The following BLOC1S6 variants were observed in gnomAD, a reference collection of about 807,000 sequenced individuals.
BLOC1S6 encodes biogenesis of lysosomal organelles complex 1 subunit 6.
A neutral mutation model predicts 24.7 loss-of-function variants in BLOC1S6; 24 were observed. The observed-to-expected ratio is 0.97, with a 90% CI of 0.70 to 1.37. The LOEUF (loss-of-function observed/expected upper bound fraction) is 1.37. BLOC1S6 is among the 40% of genes most tolerant of loss of function. The pLI, the probability that BLOC1S6 is intolerant of heterozygous loss-of-function variation, is 0.00. For missense variants in BLOC1S6, 175 were observed against 196.2 expected, an observed-to-expected ratio of 0.89 and a Z score of 0.64; for synonymous variants, 76 against 72.6, an observed-to-expected ratio of 1.05 and a Z score of -0.23.
At chr15:45,601,874 A>G (rs1894281937) in intron 2 of BLOC1S6, among the ~76,000 whole-genome samples, 1 of 151,662 alleles carries the variant, frequency 6.6e-6, no homozygotes, top group African/African-American at 2.4e-5. Flanking sequence ...AAAGTTATTT[A>G]TTTATTTATT....
chr15:45,602,213 C>G, intron 2 of BLOC1S6: 1 of 469,672 alleles, frequency 2.1e-6, no homozygotes, highest in South Asian at 3.7e-5. Context: ...AAATTTATGA[C>G]CTGTAGGGTA....
chr15:45,593,408 A>AG (rs71114351), intron 2 of BLOC1S6, among the ~76,000 whole-genome samples: 2 of 150,482 alleles, frequency 1.3e-5, no homozygotes, highest in Non-Finnish European at 3.0e-5. Context: ...AAAAAAAAAA[A>AG]GTGGTACTGG....
intron 1 of BLOC1S6, among the ~76,000 whole-genome samples, chr15:45,590,564 C>T (rs984327459): frequency 3.3e-5 from 5 of 151,944 alleles, no homozygotes; most frequent in African/African-American, 7.3e-5. Flanking sequence ...TACAACACTA[C>T]GCCCGGGAAA....
At chr15:45,590,574 A>G (rs1210155318) in intron 1 of BLOC1S6, among the ~76,000 whole-genome samples, 1 of 151,886 alleles carries the variant, frequency 6.6e-6, no homozygotes, top group African/African-American at 2.4e-5. Context: ...CGCCCGGGAA[A>G]TTTTTATATT....
intron 2 of BLOC1S6, chr15:45,602,299 T>TA (rs1030732862): frequency 1.6e-5 from 10 of 635,858 alleles, no homozygotes; most frequent in Non-Finnish European, 2.2e-5. Flanking sequence ...TTTTTTTTTT[T>TA]ATCATTATTC....
At chr15:45,593,186 G>A (rs2140905698) in intron 2 of BLOC1S6, among the ~76,000 whole-genome samples, 1 of 151,962 alleles carries the variant, frequency 6.6e-6, no homozygotes, top group Admixed American at 6.6e-5. Context: ...TTGAGGTCGG[G>A]AGTTTTAGAC....
At chr15:45,596,574 G>A (rs1894085577) in intron 2 of BLOC1S6, among the ~76,000 whole-genome samples, 1 of 152,078 alleles carries the variant, frequency 6.6e-6, no homozygotes, top group African/African-American at 2.4e-5. Context: ...TATTGTTTTT[G>A]TGTAGGTTTA....
chr15:45,592,880 C>T (rs756504059), intron 2 of BLOC1S6, among the ~76,000 whole-genome samples: 5 of 152,160 alleles, frequency 3.3e-5, no homozygotes, highest in Admixed American at 6.5e-5. Context: ...CCTCCTGGGT[C>T]GGGACCTCTC....
At chr15:45,595,956 C>T (rs2140908659) in intron 2 of BLOC1S6, among the ~76,000 whole-genome samples, 1 of 152,180 alleles carries the variant, frequency 6.6e-6, no homozygotes, top group Admixed American at 6.5e-5. Context: ...TACAGGCATG[C>T]ACCACCACGC....
chr15:45,588,011 A>G (rs1047240129), intron 1 of BLOC1S6: 7 of 526,214 alleles, frequency 1.3e-5, no homozygotes, highest in South Asian at 5.1e-5. Context: ...TAAGGCATCC[A>G]TTGAATGGAA....
intron 2 of BLOC1S6, among the ~76,000 whole-genome samples, chr15:45,600,046 T>C (rs1427356887): frequency 1.3e-5 from 2 of 149,740 alleles, no homozygotes; most frequent in Admixed American, 6.7e-5. Flanking sequence ...ATGGATGAAA[T>C]TGGAAATCAT....
chr15:45,588,053 C>T (rs753967290), intron 1 of BLOC1S6, among the ~76,000 whole-genome samples: 5 of 152,200 alleles, frequency 3.3e-5, no homozygotes, highest in Admixed American at 1.3e-4. Flanking sequence ...CAAAATGGTA[C>T]TATTTATGTA....
intron 3 of BLOC1S6, among the ~76,000 whole-genome samples, chr15:45,604,314 C>T (rs1894373676): frequency 6.6e-6 from 1 of 152,044 alleles, no homozygotes. Flanking sequence ...CCATTTGTAA[C>T]AATTAAAAAC....
At chr15:45,592,039 T>C (rs1330892760) in intron 1 of BLOC1S6, 96 bp from the exon 2 acceptor site, 5 of 1,411,536 alleles carry the variant, frequency 3.5e-6, no homozygotes, top group Admixed American at 3.9e-5. Context: ...AGTTACAGAT[T>C]TCTTTGTTCC....
intron 2 of BLOC1S6, among the ~76,000 whole-genome samples, chr15:45,592,846 A>G (rs899143637): frequency 1.2e-4 from 19 of 152,300 alleles, no homozygotes; most frequent in African/African-American, 4.3e-4. Context: ...TCCCATCCAC[A>G]GACAACACAC....
intron 1 of BLOC1S6, among the ~76,000 whole-genome samples, chr15:45,588,562 A>G (rs1893773218): frequency 1.3e-5 from 2 of 151,818 alleles, no homozygotes; most frequent in Admixed American, 1.3e-4. Context: ...CACCTTTAAA[A>G]CAGCTGTTGA....
chr15:45,593,904 T>C (rs1489877671), intron 2 of BLOC1S6, among the ~76,000 whole-genome samples: 1 of 152,152 alleles, frequency 6.6e-6, no homozygotes, highest in Non-Finnish European at 1.5e-5. Flanking sequence ...TTAAGTAATT[T>C]GAAAAAGATT....
In BLOC1S6 at chr15:45,608,443, T is replaced by A. The variant is rs1894556037; in HGVS notation, c.*1929T>A. On this transcript the variant is annotated 3_prime_UTR_variant, in exon 5 of 5. Transcript: ENST00000220531. The stretch of plus-strand genomic sequence containing the variant: ...GATATCTGACAAAGGTAGTACAGCG[T>A]TTCTGAGTCATTTGGGACCAACTGC... 6.6e-6 allele frequency: 1 copy of A among 152,252 alleles called. No homozygotes were observed. The highest frequency in any genetic ancestry group is 1.5e-5 in the Non-Finnish European group (1 of 68,046). 9.4% of individuals were successfully genotyped at this position (152,252 alleles called of 1,614,324 possible).
chr15:45,588,703 T>C (rs778377070), intron 1 of BLOC1S6, among the ~76,000 whole-genome samples: 4 of 152,232 alleles, frequency 2.6e-5, no homozygotes, highest in African/African-American at 2.4e-5. Context: ...TCACTACTTA[T>C]TAACAAAGGT....
Sources: gnomAD v4.1 joint callset for allele counts (sites outside exome capture counted in the v4.1 genomes callset) on GRCh38, gnomAD v4.1.1 for gene constraint, MANE v1.5 for transcripts, NCBI Gene and HGNC (gene_info 2026-07-23, HGNC 2026-07-21) for gene names.